The following UGGT2 variants were observed in gnomAD, a reference collection of about 807,000 sequenced individuals.
UGGT2 encodes UDP-glucose:glycoprotein glucosyltransferase 2.
Under a neutral mutation model 192.1 loss-of-function variants are expected in UGGT2, and 180 were observed. The ratio of observed to expected loss-of-function variants is 0.94; its 90% CI spans 0.83 to 1.06. The LOEUF is 1.06. Ranked by LOEUF, UGGT2 falls within the 50% of genes least tolerant of loss-of-function variation. The pLI is 0.00. For synonymous variants in UGGT2, 580 were observed against 591.0 expected (o/e 0.98, Z 0.27); for missense variants, 1,849 against 1,795.7 (o/e 1.03, Z -0.54).
Position 95,927,017 on chromosome 13 carries a change from A to C in UGGT2, c.2200+11T>G, listed in dbSNP as rs577431463. 1 of 1,585,420 alleles carries C rather than the reference A, an allele frequency of 6.3e-7. No homozygotes were observed. The highest frequency in any genetic ancestry group is 2.2e-5 in the East Asian group (1 of 44,576). ...CTTTAAGAATTCAGGTAAATAAAATATGCTTATTACCGTCTTGGGTTAAAT... is the reference window on the plus strand; with the variant it reads ...CTTTAAGAATTCAGGTAAATAAAATCTGCTTATTACCGTCTTGGGTTAAAT... On this transcript the variant is annotated intron_variant, in intron 19 of 38. Coordinates refer to ENST00000376747, the MANE Select transcript of UGGT2 (RefSeq NM_020121.4).
intron 17 of UGGT2, among the ~76,000 whole-genome samples, chr13:95,931,846 A>C (rs1027456222): frequency 2.0e-4 from 30 of 152,172 alleles, no homozygotes; most frequent in African/African-American, 6.5e-4. Context: ...AAGCAGAGGG[A>C]GCCGGCTCCG....
intron 30 of UGGT2, among the ~76,000 whole-genome samples, chr13:95,864,450 G>A (rs1184014870): frequency 6.6e-6 from 1 of 152,138 alleles, no homozygotes; most frequent in African/African-American, 2.4e-5. Flanking sequence ...TATTTCCTCT[G>A]TACAGTTATA....
intron 34 of UGGT2, among the ~76,000 whole-genome samples, chr13:95,855,801 G>A (rs979298098): frequency 1.3e-5 from 2 of 152,132 alleles, no homozygotes; most frequent in East Asian, 1.9e-4. Context: ...AGCTTTTCTA[G>A]CAAGAAGAAA....
intron 1 of UGGT2, among the ~76,000 whole-genome samples, chr13:96,035,720 A>C (rs770797514): frequency 2.0e-5 from 3 of 152,302 alleles, no homozygotes; most frequent in African/African-American, 7.2e-5. Context: ...CAAGAAAAAA[A>C]CAAACGACCC....
intron 1 of UGGT2, among the ~76,000 whole-genome samples, chr13:96,036,237 G>C (rs1247684272): frequency 2.0e-5 from 3 of 152,092 alleles, no homozygotes; most frequent in Non-Finnish European, 4.4e-5. Flanking sequence ...AAATGAACAA[G>C]GTCATGTCTT....
intron 17 of UGGT2, among the ~76,000 whole-genome samples, chr13:95,934,877 A>G (rs1244324725): frequency 6.6e-6 from 1 of 152,174 alleles, no homozygotes; most frequent in Admixed American, 6.5e-5. Context: ...GTCTCCCACT[A>G]TTATTGCGCA....
At chr13:95,909,491 CTA>C (rs2048404626) in intron 20 of UGGT2, among the ~76,000 whole-genome samples, 1 of 149,392 alleles carries the variant, frequency 6.7e-6, no homozygotes, top group Non-Finnish European at 1.5e-5. Flanking sequence ...TCTCAGTAAA[CTA>C]TCGCAAGAAC....
intron 34 of UGGT2, 71 bp from the exon 35 acceptor site, chr13:95,854,546 A>G: frequency 7.6e-7 from 1 of 1,321,332 alleles, no homozygotes; most frequent in South Asian, 1.6e-5. Context: ...GGGAATCTCA[A>G]ATCATTATTA....
At chr13:96,044,914 ACATT>A (rs1417223145) in intron 1 of UGGT2, among the ~76,000 whole-genome samples, 1 of 152,170 alleles carries the variant, frequency 6.6e-6, no homozygotes, top group Non-Finnish European at 1.5e-5. Flanking sequence ...ATTCTACCAG[ACATT>A]CAAAGAATTC....
intron 19 of UGGT2, among the ~76,000 whole-genome samples, chr13:95,926,803 A>C (rs1208142942): frequency 6.6e-6 from 1 of 152,116 alleles, no homozygotes; most frequent in African/African-American, 2.4e-5. Context: ...AAAAAGGTGA[A>C]AATAGTTTGT....
chr13:95,841,631 G>A (rs976170206), intron 36 of UGGT2, among the ~76,000 whole-genome samples: 1 of 152,162 alleles, frequency 6.6e-6, no homozygotes, highest in East Asian at 1.9e-4. Context: ...CAAATATTTT[G>A]TCCCATTCTA....
chr13:96,024,089 T>G (rs938406034), intron 2 of UGGT2, among the ~76,000 whole-genome samples: 1 of 152,128 alleles, frequency 6.6e-6, no homozygotes, highest in Admixed American at 6.6e-5. Context: ...ACCTACAAGG[T>G]AGAAATTAAG....
At chr13:96,045,850 T>C (rs2053294639) in intron 1 of UGGT2, among the ~76,000 whole-genome samples, 1 of 152,068 alleles carries the variant, frequency 6.6e-6, no homozygotes, top group Non-Finnish European at 1.5e-5. Context: ...CACAAACAAA[T>C]GGAACCATAC....
intron 31 of UGGT2, 109 bp downstream of exon 31, chr13:95,863,520 T>C (rs1890354309): frequency 8.9e-6 from 7 of 786,814 alleles, no homozygotes; most frequent in Non-Finnish European, 4.4e-6. Context: ...TTATCCCTCC[T>C]AGATTAGAGG....
At chr13:95,924,383 T>G (rs144254221) in intron 20 of UGGT2, among the ~76,000 whole-genome samples, 1,304 of 124,824 alleles carry the variant, frequency 0.01, 25 homozygotes, top group African/African-American at 0.037. Context: ...ATGTAATAGA[T>G]CCCAAACAGC....
intron 12 of UGGT2, among the ~76,000 whole-genome samples, chr13:95,953,044 T>C (rs1441000055): frequency 2.0e-5 from 3 of 152,234 alleles, no homozygotes; most frequent in Non-Finnish European, 4.4e-5. Context: ...ATTATGATTA[T>C]GATTCTTAAC....
At chr13:95,928,342 C>T (rs1191890568) in intron 17 of UGGT2, among the ~76,000 whole-genome samples, 3 of 151,850 alleles carry the variant, frequency 2.0e-5, no homozygotes, top group East Asian at 3.9e-4. Context: ...GCGAGGGCTG[C>T]CCCCCACCTC....
intron 2 of UGGT2, among the ~76,000 whole-genome samples, chr13:96,026,619 C>G (rs1379966250): frequency 6.7e-6 from 1 of 149,486 alleles, no homozygotes; most frequent in East Asian, 2.0e-4. Flanking sequence ...TTGCTTTAAA[C>G]AGTTGACATA....
At chr13:95,810,966 A>G (rs1326338586) in intron 38 of UGGT2, among the ~76,000 whole-genome samples, 2 of 152,202 alleles carry the variant, frequency 1.3e-5, no homozygotes, top group Admixed American at 6.5e-5. Flanking sequence ...ATATTTCTCT[A>G]AAAAAGATAT....
Sources: gnomAD v4.1 joint callset for allele counts (sites outside exome capture counted in the v4.1 genomes callset) on GRCh38, gnomAD v4.1.1 for gene constraint, MANE v1.5 for transcripts, NCBI Gene and HGNC (gene_info 2026-07-23, HGNC 2026-07-21) for gene names.